The following ANK3 variants were observed in gnomAD, a reference collection of about 807,000 sequenced individuals.
ANK3 encodes ankyrin-3.
A neutral mutation model predicts 370.9 loss-of-function variants in ANK3; 57 were observed. The ratio of observed to expected loss-of-function variants is 0.15; its 90% CI spans 0.12 to 0.19. ANK3 has a LOEUF of 0.19. ANK3 is among the 10% of genes least tolerant of loss of function. ANK3 has a pLI of 1.00. For synonymous variants in ANK3, 1,929 were observed against 1,946.3 expected, an observed-to-expected ratio of 0.99 and a Z score of 0.23; for missense variants, 4,439 against 5,302.1, an observed-to-expected ratio of 0.84 and a Z score of 5.06.
intron 26 of ANK3, among the ~76,000 whole-genome samples, 161 bp from the exon 27 acceptor site, chr10:60,109,215 C>T (rs913662394): frequency 6.6e-6 from 1 of 152,188 alleles, no homozygotes; most frequent in Non-Finnish European, 1.5e-5. Flanking sequence ...TCACATCAAA[C>T]ATGCATTTAA....
At chr10:60,301,460 C>T (rs1285656071) in intron 1 of ANK3, among the ~76,000 whole-genome samples, 1 of 146,968 alleles carries the variant, frequency 6.8e-6, no homozygotes, top group Non-Finnish European at 1.5e-5. Flanking sequence ...GTCACCCAGG[C>T]TGGAGTGCAG....
At chr10:60,506,448 A>G in intron 2 of ANK3, among the ~76,000 whole-genome samples, 1 of 152,128 alleles carries the variant, frequency 6.6e-6, no homozygotes, top group East Asian at 1.9e-4. Flanking sequence ...GGGGACTCAA[A>G]AATGTGTTAT....
intron 41 of ANK3, among the ~76,000 whole-genome samples, chr10:60,058,272 G>C (rs2079596534): frequency 6.6e-6 from 1 of 152,154 alleles, no homozygotes; most frequent in Non-Finnish European, 1.5e-5. Context: ...TCCTAATGGT[G>C]GTGGGATTTG....
chr10:60,469,220 TGC>T (rs1213119919), intron 2 of ANK3, among the ~76,000 whole-genome samples: 1 of 81,710 alleles, frequency 1.2e-5, no homozygotes, highest in African/African-American at 4.4e-5. Context: ...CCACTTTTAG[TGC>T]ATATATATAT....
At chr10:60,185,359 A>T (rs1436842238) in intron 17 of ANK3, among the ~76,000 whole-genome samples, 3 of 152,198 alleles carry the variant, frequency 2.0e-5, no homozygotes, top group African/African-American at 7.2e-5. Flanking sequence ...TTTCTTACTT[A>T]AAAGTGTTGA....
In ANK3 at chr10:60,072,187, C is replaced by T; in HGVS notation, c.8694G>A (p.Met2898Ile). 1 of 1,613,866 alleles carries T rather than the reference C, an allele frequency of 6.2e-7. No homozygotes were observed. The change falls in exon 37 of 44, where the codon ATG (methionine) becomes ATA (isoleucine). Residue 2898 changes from methionine to isoleucine, a missense_variant. By Grantham distance (10) the Met-to-Ile change is conservative. Coordinates refer to ENST00000280772, the MANE Select transcript of ANK3 (RefSeq NM_020987.5). The stretch of plus-strand genomic sequence containing the variant: ...ATTTGCGTTCTCTCTCAGTCACAGA[C>T]ATAAATTCATTCTTTTGATCAACAC... ...SKSVDQKNEF[M>I]SVTERERKLL...
intron 1 of ANK3, among the ~76,000 whole-genome samples, chr10:60,681,885 C>T (rs907224008): frequency 1.3e-5 from 2 of 152,174 alleles, no homozygotes; most frequent in African/African-American, 4.8e-5. Context: ...GACACAGTGG[C>T]TCACGCCTGT....
chr10:60,513,483 C>G (rs1227128266), intron 2 of ANK3, among the ~76,000 whole-genome samples: 1 of 151,658 alleles, frequency 6.6e-6, no homozygotes, highest in Non-Finnish European at 1.5e-5. Context: ...AAGTGAAACT[C>G]AAAAAGAAGT....
rs140040702 is a variant in ANK3 at position 60,036,530 on chromosome 10, G to T, written c.*19+6142C>A. 1.3e-3 allele frequency among the ~76,000 whole-genome samples: 174 copies of T among 138,916 alleles called. 2 individuals carry two copies. Among genetic ancestry groups the T allele is most frequent in the African/African-American group, 4.3e-3 (162 of 37,268 alleles). The allele number at this position is 138,916 out of a possible 152,430, so 91.1% of individuals were successfully genotyped here. ...GGCTCACTGAAAGCTCCACCTCCCA[G>T]GTTCACGCCATTCTCCTGCCTCAGC... is the stretch of plus-strand genomic sequence containing the variant. On this transcript the variant is annotated intron_variant, in intron 43 of 43. Transcript: ENST00000280772.
In ANK3 at chr10:60,722,464, TA is replaced by T. The variant is rs201966824; in HGVS notation, c.57+10798del. On this transcript the variant is annotated intron_variant, in intron 1 of 43. Transcript: ENST00000373827. ...GTCTCTAAATAAAAAAATTAAAAAT[TA>T]AAAAAAAAATTAATTGCCAAAACCT... Among the ~76,000 whole-genome samples the T allele has an allele frequency of 1.3e-3, 194 of 149,940 alleles. 1 individual carries two copies. The highest frequency in any genetic ancestry group is 6.8e-3 in the Middle Eastern group (2 of 292).
intron 1 of ANK3, among the ~76,000 whole-genome samples, chr10:60,659,078 T>A (rs2078904222): frequency 1.3e-5 from 2 of 152,120 alleles, no homozygotes; most frequent in East Asian, 1.9e-4. Context: ...GACTAAAAAA[T>A]TAACTCTAAA....
intron 1 of ANK3, among the ~76,000 whole-genome samples, chr10:60,358,099 TACAC>T (rs200773594): frequency 0.29 from 35,584 of 121,428 alleles, 4,284 homozygotes; most frequent in East Asian, 0.38. Flanking sequence ...TGCATATGTA[TACAC>T]ACACACACAC....
intron 2 of ANK3, among the ~76,000 whole-genome samples, chr10:60,566,063 AT>A (rs906535319): frequency 1.3e-5 from 2 of 151,974 alleles, no homozygotes; most frequent in African/African-American, 4.8e-5. Flanking sequence ...AAATATTTCA[AT>A]TTTTTTCTTT....
chr10:60,402,595 A>G (rs376017502), intron 2 of ANK3, among the ~76,000 whole-genome samples: 6 of 152,342 alleles, frequency 3.9e-5, no homozygotes, highest in African/African-American at 1.4e-4. Context: ...TAGGCAATAT[A>G]ATGTATAAAA....
Position 60,166,911 on chromosome 10 carries a change from G to A in ANK3, c.2479-15C>T. On this transcript the variant is annotated splice_polypyrimidine_tract_variant and intron_variant, in intron 21 of 43. Transcript: ENST00000280772. ...TCTGTGACAGTCTAGTAACAAAAAA[G>A]CAGTCATTTTAGTGTGAGCAGACTG... 6.2e-7 allele frequency: 1 copy of A among 1,612,508 alleles called. No individual in the cohort carries two copies. The highest frequency in any genetic ancestry group is 8.5e-7 in the Non-Finnish European group (1 of 1,178,724).
intron 7 of ANK3, among the ~76,000 whole-genome samples, chr10:60,240,306 A>ATATATATATATTTT (rs11282162): frequency 1.8e-4 from 21 of 119,770 alleles, no homozygotes; most frequent in Non-Finnish European, 2.9e-4. Flanking sequence ...ATATATATAT[A>ATATATATATATTTT]TTTTTTTTTC....
chr10:60,678,235 A>G (rs1410828662), intron 1 of ANK3, among the ~76,000 whole-genome samples: 3 of 152,252 alleles, frequency 2.0e-5, no homozygotes, highest in Admixed American at 6.5e-5. Context: ...AAGAAAATAC[A>G]TTGATAGGGC....
chr10:60,219,527 T>C (rs957216286), intron 8 of ANK3, among the ~76,000 whole-genome samples: 4 of 152,132 alleles, frequency 2.6e-5, no homozygotes, highest in Non-Finnish European at 4.4e-5. Flanking sequence ...CTTTTCTTAG[T>C]ACTAGGGCAG....
chr10:60,680,017 C>G (rs2133389658), intron 1 of ANK3, among the ~76,000 whole-genome samples: 1 of 151,640 alleles, frequency 6.6e-6, no homozygotes, highest in African/African-American at 2.4e-5. Flanking sequence ...CACCTGCAGT[C>G]CCGGCTACTC....
Sources: allele counts gnomAD v4.1 joint callset (sites outside exome capture counted in the v4.1 genomes callset), GRCh38; gene constraint gnomAD v4.1.1; transcripts MANE v1.5; gene names NCBI Gene and HGNC (gene_info 2026-07-23, HGNC 2026-07-21).